Variants in ZFHX3 observed in about 807,000 individuals in gnomAD.
ZFHX3 encodes the protein zinc finger homeobox 3, also known as zinc finger homeobox protein 3.
Under a neutral mutation model 279.1 loss-of-function variants are expected in ZFHX3, and 42 were observed. The observed-to-expected ratio is 0.15, with a 90% confidence interval of 0.12 to 0.19. The LOEUF is 0.19. Among genes scored for constraint, ZFHX3 ranks in the 10% least tolerant of loss-of-function variants. The probability of loss-of-function intolerance (pLI) is 1.00; values close to 1 mark genes in which losing one functional copy is unlikely to be tolerated. For missense variants in ZFHX3, 4,981 were observed against 4,754.0 expected (o/e 1.05, Z -1.40); for synonymous variants, 2,293 against 1,957.8 (o/e 1.17, Z -4.52).
At chr16:73,525,515 G>T (rs2019676153) in intron 2 of ZFHX3, among the ~76,000 whole-genome samples, 1 of 152,154 alleles carries the variant, frequency 6.6e-6, no homozygotes, top group Non-Finnish European at 1.5e-5. Context: ...CAGAAGAGAA[G>T]GGGTGCACAA....
intron 2 of ZFHX3, among the ~76,000 whole-genome samples, chr16:73,485,764 TG>T (rs2018962794): frequency 6.6e-6 from 1 of 152,194 alleles, no homozygotes; most frequent in African/African-American, 2.4e-5. Flanking sequence ...ACACATCCCT[TG>T]GGCTGGCTCA....
chr16:73,381,463 T>A (rs184471565), intron 3 of ZFHX3, among the ~76,000 whole-genome samples: 2 of 152,136 alleles, frequency 1.3e-5, no homozygotes, highest in African/African-American at 4.8e-5. Context: ...GACAAAGAGA[T>A]GAGTGGAAAA....
chr16:73,127,412 C>T (rs1267652554), intron 7 of ZFHX3: 1 of 1,305,296 alleles, frequency 7.7e-7, no homozygotes, highest in African/African-American at 1.5e-5. Context: ...AGAGCCTTCC[C>T]AGGTAGTAGC....
intron 1 of ZFHX3, among the ~76,000 whole-genome samples, chr16:73,685,223 G>A (rs1305966560): frequency 1.3e-5 from 2 of 150,966 alleles, no homozygotes; most frequent in Non-Finnish European, 2.9e-5. Context: ...TCACCGTGTT[G>A]GCCCAGATGG....
At chr16:73,746,438 T>C (rs2053704282) in intron 1 of ZFHX3, among the ~76,000 whole-genome samples, 4 of 152,204 alleles carry the variant, frequency 2.6e-5, no homozygotes. Context: ...CACTCCCAGG[T>C]ATGAAATAGA....
At chr16:73,485,339 T>C (rs1163306682) in intron 2 of ZFHX3, among the ~76,000 whole-genome samples, 1 of 151,682 alleles carries the variant, frequency 6.6e-6, no homozygotes, top group African/African-American at 2.4e-5. Flanking sequence ...CCCCATTCCT[T>C]GCTAGTTTTA....
chr16:73,132,239 T>C (rs1034816451), intron 6 of ZFHX3, among the ~76,000 whole-genome samples: 1 of 152,094 alleles, frequency 6.6e-6, no homozygotes, highest in Non-Finnish European at 1.5e-5. Flanking sequence ...GAGCTTTGAT[T>C]GTATCACTGC....
At chr16:73,034,902 A>C (rs1464078488) in intron 1 of ZFHX3, among the ~76,000 whole-genome samples, 5 of 152,182 alleles carry the variant, frequency 3.3e-5, no homozygotes, top group African/African-American at 1.2e-4. Context: ...TTTCTGACCA[A>C]ACCCGCTGTG....
Position 72,787,381 on chromosome 16 carries a change from A to G in ZFHX3, c.10895T>C (p.Phe3632Ser), listed in dbSNP as rs1369495379. ...CGTTGAAGATGAGGAGAGAGGAGGA[A>G]AAGAAGGGGGCTTCGCTGCCGAAGC... The part of the protein sequence containing the change: ...SRASAAKPPS[F>S]PPLSSSSTVT... The change falls in exon 10 of 10, where the codon TTT becomes TCT. Residue 3632 changes from phenylalanine to serine, a missense_variant. Physicochemically the swap from Phe to Ser is radical, Grantham distance 155. This residue lies in a region of ZFHX3 where 1,034 missense variants were observed against 786.0 expected (regional missense o/e 1.32). Coordinates refer to ENST00000268489, the MANE Select transcript of ZFHX3 (RefSeq NM_006885.4). 11 of 1,606,858 alleles carry G rather than the reference A, an allele frequency of 6.8e-6. No individual in the cohort carries two copies. Among genetic ancestry groups the G allele is most frequent in the Non-Finnish European group, 9.4e-6 (11 of 1,174,946 alleles).
chr16:73,297,779 T>C (rs781476109), intron 4 of ZFHX3, among the ~76,000 whole-genome samples: 9 of 152,036 alleles, frequency 5.9e-5, no homozygotes, highest in Non-Finnish European at 1.2e-4. Context: ...GAGCCTCCAT[T>C]TCTTCTCTGG....
At chr16:73,364,662 G>C (rs2016498299) in intron 3 of ZFHX3, among the ~76,000 whole-genome samples, 1 of 152,134 alleles carries the variant, frequency 6.6e-6, no homozygotes, top group Admixed American at 6.5e-5. Flanking sequence ...GTGAGTTTTA[G>C]GACATTCTTG....
chr16:73,265,078 C>T (rs111840201), intron 4 of ZFHX3, among the ~76,000 whole-genome samples: 3 of 145,928 alleles, frequency 2.1e-5, no homozygotes, highest in African/African-American at 2.6e-5. Flanking sequence ...CGCATATATG[C>T]GTGTGTGTGT....
upstream of ZFHX3, among the ~76,000 whole-genome samples, chr16:73,064,287 A>G (rs1047729074): frequency 1.3e-5 from 2 of 151,674 alleles, no homozygotes; most frequent in African/African-American, 4.8e-5. Flanking sequence ...CCCTCCCCTG[A>G]CTCTCACTCC....
intron 1 of ZFHX3, among the ~76,000 whole-genome samples, chr16:73,013,334 T>C (rs555946803): frequency 1.2e-4 from 19 of 152,112 alleles, no homozygotes; most frequent in Non-Finnish European, 2.6e-4. Flanking sequence ...GTCGCCCAGG[T>C]TGGAGTGCAG....
chr16:73,188,061 C>T (rs1430481733), intron 5 of ZFHX3, among the ~76,000 whole-genome samples: 1 of 152,198 alleles, frequency 6.6e-6, no homozygotes, highest in Non-Finnish European at 1.5e-5. Flanking sequence ...CGGGGTTTCA[C>T]TCTGTTAGCC....
intron 5 of ZFHX3, among the ~76,000 whole-genome samples, chr16:73,200,345 T>A (rs183835652): frequency 1.3e-5 from 2 of 152,288 alleles, no homozygotes; most frequent in Non-Finnish European, 2.9e-5. Flanking sequence ...GTTTCAGCCA[T>A]AAAACCCCTT....
At chr16:72,882,217 CAGTGAG>C (rs949747514) in intron 4 of ZFHX3, among the ~76,000 whole-genome samples, 5 of 144,986 alleles carry the variant, frequency 3.4e-5, no homozygotes, top group Admixed American at 7.0e-5. Flanking sequence ...ACCCTCTCTG[CAGTGAG>C]TGGCCACAGT....
At chr16:73,248,963 T>G (rs1281318480) in intron 5 of ZFHX3, among the ~76,000 whole-genome samples, 3 of 152,184 alleles carry the variant, frequency 2.0e-5, no homozygotes, top group Non-Finnish European at 4.4e-5. Context: ...GGCATTTTCA[T>G]TAGATTGGGA....
intron 3 of ZFHX3, among the ~76,000 whole-genome samples, chr16:72,909,127 T>C (rs750554435): frequency 4.6e-5 from 7 of 152,184 alleles, no homozygotes; most frequent in Non-Finnish European, 1.0e-4. Context: ...CTGACAACAA[T>C]TGCATGAAAA....
Sources: allele counts gnomAD v4.1 joint callset (sites outside exome capture counted in the v4.1 genomes callset), GRCh38; gene constraint gnomAD v4.1.1; regional missense constraint gnomAD v4.1.1; transcripts MANE v1.5; gene names NCBI Gene and HGNC (gene_info 2026-07-23, HGNC 2026-07-21).